COL19A1: variants seen among roughly 807,000 people sequenced by gnomAD.
COL19A1 encodes collagen type XIX alpha 1 chain.
Under a neutral mutation model 190.2 loss-of-function variants are expected in COL19A1, and 159 were observed. The observed-to-expected ratio is 0.84, with a 90% CI of 0.73 to 0.95. COL19A1 has a LOEUF of 0.95. Among genes scored for constraint, COL19A1 ranks in the 40% least tolerant of loss-of-function variants. The pLI, the probability that COL19A1 is intolerant of heterozygous loss-of-function variation, is 0.00. For synonymous variants in COL19A1, 509 were observed against 458.9 expected (o/e 1.11, Z -1.39); for missense variants, 1,418 against 1,431.9 (o/e 0.99, Z 0.16).
chr6:69,994,083 G>A (rs1359315086), intron 11 of COL19A1, among the ~76,000 whole-genome samples: 1 of 151,496 alleles, frequency 6.6e-6, no homozygotes, highest in Admixed American at 6.6e-5. Context: ...TTATTATGTG[G>A]GTATTTAGCA....
intron 15 of COL19A1, among the ~76,000 whole-genome samples, chr6:70,084,054 A>T (rs1393708221): frequency 6.6e-6 from 1 of 152,188 alleles, no homozygotes; most frequent in Non-Finnish European, 1.5e-5. Context: ...TACCTTTTTA[A>T]AATTGGAAGA....
Position 70,140,935 on chromosome 6 carries a change from T to G in COL19A1, c.1447-19T>G, listed in dbSNP as rs1443118915. On this transcript the variant is annotated intron_variant, in intron 19 of 50. Transcript: ENST00000620364. Reference sequence around the variant, plus strand: ...ATTTCTAAGAGCGTTTAATTCTATTTTCTACCCCTTCTCCTTAGGGAGAGC... The same window carrying G: ...ATTTCTAAGAGCGTTTAATTCTATTGTCTACCCCTTCTCCTTAGGGAGAGC... 1 of 1,610,024 alleles carries G rather than the reference T, an allele frequency of 6.2e-7. No individual in the cohort carries two copies. The highest frequency in any genetic ancestry group is 8.5e-7 in the Non-Finnish European group (1 of 1,176,876).
In COL19A1 at chr6:69,879,630, C is replaced by T; in HGVS notation, c.63C>T (p.Ser21=). 1 of 1,614,108 alleles carries T rather than the reference C, an allele frequency of 6.2e-7. No individual in the cohort carries two copies. The highest frequency in any genetic ancestry group is 1.6e-4 in the Middle Eastern group (1 of 6,062). Residue 21 remains serine, a synonymous_variant, in exon 2 of 51, where the codon TCC becomes TCT. Coordinates refer to ENST00000620364, the MANE Select transcript of COL19A1 (RefSeq NM_001858.6). The part of the protein sequence containing the change: ...LWMSIFLLPA[S]TSVTVRDKTE... ...TGTCAATATTTCTGCTTCCTGCTTC[C>T]ACTTCCGTGACCGTTAGGGACAAGA...
At chr6:70,095,009 A>G (rs1318201270) in intron 15 of COL19A1, among the ~76,000 whole-genome samples, 1 of 152,210 alleles carries the variant, frequency 6.6e-6, no homozygotes, top group Non-Finnish European at 1.5e-5. Context: ...CAACCACCAC[A>G]TAGTCCAAGC....
At chr6:70,059,113 T>G (rs927195882) in intron 14 of COL19A1, among the ~76,000 whole-genome samples, 5 of 152,118 alleles carry the variant, frequency 3.3e-5, no homozygotes, top group African/African-American at 1.2e-4. Flanking sequence ...CTAGTAGTAG[T>G]TTAGAATTTA....
At chr6:70,088,183 A>C (rs1369615969) in intron 15 of COL19A1, among the ~76,000 whole-genome samples, 1 of 152,154 alleles carries the variant, frequency 6.6e-6, no homozygotes, top group African/African-American at 2.4e-5. Flanking sequence ...AGATCATAGA[A>C]AGCCCCTTTC....
intron 42 of COL19A1, 148 bp downstream of exon 42, chr6:70,176,712 C>T: frequency 1.7e-6 from 1 of 576,230 alleles, no homozygotes; most frequent in Non-Finnish European, 2.8e-6. Context: ...ATAAATAATG[C>T]CACCTGTATT....
At position 70,180,360 on chromosome 6, in the gene COL19A1, A is replaced by C; in HGVS notation, c.2712+4A>C. ...TCCAGGAGTTCCAGGGGAACCGGTG[A>C]GTTGGCAGTTACTTTCATGACAGTT... On this transcript the variant is annotated splice_donor_region_variant and intron_variant, in intron 43 of 50. Transcript: ENST00000620364. 6.2e-7 allele frequency: 1 copy of C among 1,614,128 alleles called. No homozygotes were observed. The highest frequency in any genetic ancestry group is 8.5e-7 in the Non-Finnish European group (1 of 1,180,006).
intron 48 of COL19A1, among the ~76,000 whole-genome samples, chr6:70,193,383 C>A (rs1213357818): frequency 1.3e-5 from 2 of 152,174 alleles, no homozygotes; most frequent in African/African-American, 4.8e-5. Context: ...CTGAGAAGCT[C>A]CTCCTCTGGG....
intron 11 of COL19A1, among the ~76,000 whole-genome samples, chr6:69,989,032 C>A (rs1459562316): frequency 1.3e-5 from 2 of 152,136 alleles, no homozygotes; most frequent in Non-Finnish European, 2.9e-5. Context: ...CTTTTCCTGT[C>A]ACATCTCATT....
chr6:70,102,278 G>A (rs1343229138), intron 16 of COL19A1, 56 bp downstream of exon 16: 2 of 1,261,880 alleles, frequency 1.6e-6, no homozygotes, highest in Non-Finnish European at 2.3e-6. Flanking sequence ...ATGTCTGTGT[G>A]TTTACCTAAG....
intron 16 of COL19A1, among the ~76,000 whole-genome samples, chr6:70,117,032 G>A (rs1200734945): frequency 1.3e-5 from 2 of 152,152 alleles, no homozygotes; most frequent in African/African-American, 4.8e-5. Context: ...AAGAGGTACA[G>A]GGTACTTTTA....
At chr6:70,054,745 A>G (rs1780397845) in intron 14 of COL19A1, among the ~76,000 whole-genome samples, 1 of 152,150 alleles carries the variant, frequency 6.6e-6, no homozygotes, top group Non-Finnish European at 1.5e-5. Context: ...GGAAAACACA[A>G]ATTTGGGTTT....
intron 36 of COL19A1, among the ~76,000 whole-genome samples, chr6:70,164,702 CT>C (rs1182026839): frequency 6.6e-6 from 1 of 152,060 alleles, no homozygotes; most frequent in Non-Finnish European, 1.5e-5. Context: ...AAAAAAAAGA[CT>C]TTTCAGTAGG....
chr6:69,927,970 A>G lies in COL19A1; in HGVS notation c.328A>G (p.Arg110Gly), dbSNP rs1243557123. ...YSVAAMFRVR[R>G]NAKKERWFLW... ...AGTAGCTGCCATGTTTCGAGTACGA[A>G]GAAACGCCAAAAAGGAACGGTGGTT... Residue 110 changes from arginine (R) to glycine (G), a missense_variant, in exon 5 of 51, where the codon AGA (arginine) becomes GGA (glycine). Transcript: ENST00000620364. 6.2e-7 allele frequency: 1 copy of G among 1,613,488 alleles called. No individual in the cohort carries two copies. Among genetic ancestry groups the G allele is most frequent in the Non-Finnish European group, 8.5e-7 (1 of 1,179,568 alleles).
intron 34 of COL19A1, 74 bp downstream of exon 34, chr6:70,156,797 A>G (rs1255433226): frequency 1.7e-6 from 2 of 1,187,218 alleles, no homozygotes; most frequent in African/African-American, 1.5e-5. Flanking sequence ...TAAAAATGTT[A>G]ATTTTTCTAT....
chr6:70,002,952 C>G (rs1777362811), intron 11 of COL19A1, among the ~76,000 whole-genome samples: 1 of 151,948 alleles, frequency 6.6e-6, no homozygotes, highest in East Asian at 1.9e-4. Context: ...TTTTGCCTCT[C>G]TAGCTCTTTT....
rs543991033 is a variant in COL19A1 at position 70,118,224 on chromosome 6, G to A, written c.1279-3656G>A. Among the ~76,000 whole-genome samples the A allele has an allele frequency of 1.5e-3, 221 of 152,324 alleles. 1 individual carries two copies. The highest frequency in any genetic ancestry group is 5.1e-3 in the African/African-American group (212 of 41,568). ...TACCAGAATAGAAGATAGAAAAATA[G>A]CACATCTCTTGGGATGTGGCTGGTA... is the stretch of plus-strand genomic sequence containing the variant. On this transcript the variant is annotated intron_variant, in intron 16 of 50. Transcript: ENST00000620364.
intron 11 of COL19A1, among the ~76,000 whole-genome samples, chr6:69,982,955 G>C (rs964340094): frequency 6.7e-6 from 1 of 150,256 alleles, no homozygotes; most frequent in East Asian, 2.0e-4. Flanking sequence ...CTGAGCAACA[G>C]AGCGAGACTC....
Sources: allele counts gnomAD v4.1 joint callset (sites outside exome capture counted in the v4.1 genomes callset), GRCh38; gene constraint gnomAD v4.1.1; transcripts MANE v1.5; gene names NCBI Gene and HGNC (gene_info 2026-07-23, HGNC 2026-07-21).